Variants in SULF1 observed in about 807,000 individuals in gnomAD.
SULF1 encodes the protein sulfatase 1.
A neutral mutation model predicts 110.5 loss-of-function variants in SULF1; 46 were observed. That is an observed-to-expected ratio of 0.42 (90% confidence interval 0.33 to 0.53). The LOEUF (loss-of-function observed/expected upper bound fraction) is 0.53, where lower values mean the gene tolerates loss of function less well. Among genes scored for constraint, SULF1 ranks in the 20% least tolerant of loss-of-function variants. SULF1 has a pLI of 0.12. For synonymous variants in SULF1, 371 were observed against 387.1 expected (o/e 0.96, Z 0.49); for missense variants, 941 against 1,094.2 (o/e 0.86, Z 1.98).
At chr8:69,604,541 C>T (rs1402250843) in intron 12 of SULF1, among the ~76,000 whole-genome samples, 1 of 151,976 alleles carries the variant, frequency 6.6e-6, no homozygotes, top group African/African-American at 2.4e-5. Context: ...TAAAATGAAA[C>T]ATGTATGCCC....
chr8:69,604,170 A>T (rs1289092037), intron 12 of SULF1, among the ~76,000 whole-genome samples: 1 of 152,206 alleles, frequency 6.6e-6, no homozygotes, highest in African/African-American at 2.4e-5. Context: ...CCCAAAAAGA[A>T]TAAATTCTCA....
chr8:69,544,646 G>T (rs1318762146), intron 3 of SULF1, among the ~76,000 whole-genome samples: 1 of 152,128 alleles, frequency 6.6e-6, no homozygotes, highest in African/African-American at 2.4e-5. Context: ...AGTGAAGGCA[G>T]AATTCCTATT....
chr8:69,600,267 G>A (rs113555649), intron 8 of SULF1, among the ~76,000 whole-genome samples: 4 of 151,894 alleles, frequency 2.6e-5, no homozygotes, highest in Non-Finnish European at 2.9e-5. Context: ...GTACCTTACC[G>A]AGACTTTATC....
At chr8:69,507,547 A>T (rs1811278618) in intron 3 of SULF1, among the ~76,000 whole-genome samples, 1 of 152,230 alleles carries the variant, frequency 6.6e-6, no homozygotes, top group Non-Finnish European at 1.5e-5. Context: ...TGGAATAATT[A>T]GGTGGTGGGG....
At chr8:69,632,398 T>C (rs113014594) in intron 19 of SULF1, among the ~76,000 whole-genome samples, 2,559 of 152,274 alleles carry the variant, frequency 0.017, 71 homozygotes, top group African/African-American at 0.058. Context: ...TGTGTATATG[T>C]AATATATATA....
At position 69,534,017 on chromosome 8, in the gene SULF1, T is replaced by C. The variant is rs75281775; in HGVS notation, c.-133-29522T>C. ...AAGGGAGTTTTATTCTTAGCAGTTA[T>C]GATAATGACAAAAAACATGATATGG... On this transcript the variant is annotated intron_variant, in intron 3 of 22. Transcript: ENST00000402687. 7.9e-3 allele frequency among the ~76,000 whole-genome samples: 1,197 copies of C among 152,334 alleles called. 11 individuals are homozygous for C. Among genetic ancestry groups the C allele is most frequent in the Admixed American group, 0.016 (245 of 15,296 alleles).
Position 69,624,063 on chromosome 8 carries a change from C to T in SULF1, c.1716C>T (p.Asn572=), listed in dbSNP as rs1809811916. 3.7e-6 allele frequency: 6 copies of T among 1,614,150 alleles called. No homozygotes were observed. The South Asian group carries it at 6.6e-5, about 18-fold the overall frequency. ...EEELQVLQPR[N]IAKRHDEGHK... is the part of the protein sequence containing the mutation. ...AATTGCAAGTGTTGCAACCAAGAAA[C>T]ATTGCTAAGCGTCATGATGAAGGCC... is the stretch of plus-strand genomic sequence containing the variant. The change falls in exon 15 of 23, where the codon AAC becomes AAT. Residue 572 remains asparagine, a synonymous_variant. Coordinates refer to ENST00000402687, the MANE Select transcript of SULF1 (RefSeq NM_001128205.2).
At chr8:69,641,086 G>A in intron 22 of SULF1, 1 of 378,154 alleles carries the variant, frequency 2.6e-6, no homozygotes, top group Admixed American at 4.6e-5. Flanking sequence ...TTGTTTGCTT[G>A]TTGGATGATG....
intron 7 of SULF1, among the ~76,000 whole-genome samples, chr8:69,587,178 A>C (rs1806524595): frequency 6.6e-6 from 1 of 152,188 alleles, no homozygotes; most frequent in Admixed American, 6.5e-5. Context: ...CTTAAGTTTA[A>C]ATTTTTTTCA....
intron 1 of SULF1, among the ~76,000 whole-genome samples, chr8:69,481,432 TA>T (rs1190693858): frequency 2.0e-5 from 3 of 152,304 alleles, no homozygotes; most frequent in Non-Finnish European, 4.4e-5. Context: ...ACTTTGTTCA[TA>T]CTATTTTCCT....
chr8:69,572,604 C>T (rs1211957020), intron 5 of SULF1, among the ~76,000 whole-genome samples: 1 of 152,160 alleles, frequency 6.6e-6, no homozygotes, highest in Non-Finnish European at 1.5e-5. Flanking sequence ...CTGTGTCCAA[C>T]CTAGAATACT....
At chr8:69,580,832 T>G (rs1299420505) in intron 6 of SULF1, among the ~76,000 whole-genome samples, 3 of 152,174 alleles carry the variant, frequency 2.0e-5, no homozygotes, top group Non-Finnish European at 2.9e-5. Context: ...AAAGAAAAAT[T>G]ATATCAAATA....
At chr8:69,486,277 C>G (rs1469480786) in intron 1 of SULF1, among the ~76,000 whole-genome samples, 1 of 151,772 alleles carries the variant, frequency 6.6e-6, no homozygotes, top group Non-Finnish European at 1.5e-5. Flanking sequence ...TTTGTAATTC[C>G]TATACTGGTC....
At chr8:69,544,564 G>T (rs1426739575) in intron 3 of SULF1, among the ~76,000 whole-genome samples, 1 of 152,154 alleles carries the variant, frequency 6.6e-6, no homozygotes, top group Non-Finnish European at 1.5e-5. Context: ...ACCACACCTG[G>T]CCCAACAAAT....
At chr8:69,498,907 G>T (rs1198659045) in intron 2 of SULF1, among the ~76,000 whole-genome samples, 2 of 152,188 alleles carry the variant, frequency 1.3e-5, no homozygotes, top group Non-Finnish European at 2.9e-5. Flanking sequence ...TACCCAGGTT[G>T]GAGTGCAGTG....
intron 22 of SULF1, among the ~76,000 whole-genome samples, chr8:69,653,892 T>G (rs1281533293): frequency 2.0e-5 from 3 of 152,214 alleles, no homozygotes; most frequent in Admixed American, 6.5e-5. Context: ...CCTAGTCCCC[T>G]GGCCATGAAC....
Position 69,563,928 on chromosome 8 carries a change from C to A in SULF1, c.-48C>A. ...TCTGACTGCCCAGAACTCCAGAAAT[C>A]AGGAGACGGAGACATTTTGTCAGTT... On this transcript the variant is annotated 5_prime_UTR_variant, in exon 5 of 23. Coordinates refer to ENST00000402687, the MANE Select transcript of SULF1 (RefSeq NM_001128205.2). 6.3e-7 allele frequency: 1 copy of A among 1,589,194 alleles called. No homozygotes were observed. Among genetic ancestry groups the A allele is most frequent in the South Asian group, 1.1e-5 (1 of 90,034 alleles).
chr8:69,535,053 G>C (rs1279555262), intron 3 of SULF1, among the ~76,000 whole-genome samples: 1 of 152,220 alleles, frequency 6.6e-6, no homozygotes, highest in Non-Finnish European at 1.5e-5. Flanking sequence ...CAAGCAACAA[G>C]ACAATGTCTG....
intron 15 of SULF1, among the ~76,000 whole-genome samples, chr8:69,626,520 G>A (rs960256480): frequency 2.0e-5 from 3 of 152,246 alleles, no homozygotes; most frequent in African/African-American, 7.2e-5. Flanking sequence ...GGGACTGGGA[G>A]CCATAGAGCA....
Sources: gnomAD v4.1 joint callset for allele counts (sites outside exome capture counted in the v4.1 genomes callset) on GRCh38, gnomAD v4.1.1 for gene constraint, MANE v1.5 for transcripts, NCBI Gene and HGNC (gene_info 2026-07-23, HGNC 2026-07-21) for gene names.